Variants in ACO2 observed in about 807,000 individuals in gnomAD.
ACO2 encodes aconitase 2.
In ACO2, 31 loss-of-function variants were observed where a neutral mutation model predicts 84.5. The ratio of observed to expected loss-of-function variants is 0.37; its 90% CI spans 0.28 to 0.50. The LOEUF is 0.50. Ranked by LOEUF, ACO2 falls within the 20% of genes least tolerant of loss-of-function variation. ACO2 has a pLI of 0.97. For synonymous variants in ACO2, 414 were observed against 412.7 expected (o/e 1.00, Z -0.04); for missense variants, 685 against 1,029.3 (o/e 0.67, Z 4.58).
chr22:41,528,303 C>G, intron 17 of ACO2, 176 bp from the exon 18 acceptor site: 1 of 965,884 alleles, frequency 1.0e-6, no homozygotes, highest in Non-Finnish European at 1.5e-6. Flanking sequence ...CCCCAGGAAT[C>G]CCCTGTAGGT....
chr22:41,508,070 G>C (rs376995122), intron 3 of ACO2, 21 bp downstream of exon 3: 11 of 1,598,890 alleles, frequency 6.9e-6, no homozygotes, highest in Middle Eastern at 1.7e-4. Flanking sequence ...GGTGGCTTTG[G>C]GGGTGGGCAA....
intron 3 of ACO2, among the ~76,000 whole-genome samples, chr22:41,511,654 C>T (rs1414591698): frequency 6.6e-6 from 1 of 152,242 alleles, no homozygotes; most frequent in Non-Finnish European, 1.5e-5. Flanking sequence ...AACTGGGGCT[C>T]CATCTCTGCT....
intron 1 of ACO2, among the ~76,000 whole-genome samples, chr22:41,478,652 G>T (rs1353226981): frequency 1.3e-5 from 2 of 152,062 alleles, no homozygotes; most frequent in East Asian, 3.8e-4. Flanking sequence ...CCCCTGGAGA[G>T]ATTGAGATGG....
intron 8 of ACO2, among the ~76,000 whole-genome samples, 190 bp downstream of exon 8, chr22:41,518,762 C>G (rs532288615): frequency 6.7e-6 from 1 of 149,866 alleles, no homozygotes; most frequent in African/African-American, 2.5e-5. Context: ...AGTGAAACCC[C>G]GTCTCTACTA....
chr22:41,496,591 C>T (rs1016110329), intron 1 of ACO2, among the ~76,000 whole-genome samples: 2 of 152,268 alleles, frequency 1.3e-5, no homozygotes, highest in East Asian at 1.9e-4. Context: ...GCACTGGGCT[C>T]CTCCACCCGT....
intron 4 of ACO2, among the ~76,000 whole-genome samples, chr22:41,513,928 C>T (rs1051278875): frequency 6.6e-6 from 1 of 151,954 alleles, no homozygotes; most frequent in African/African-American, 2.4e-5. Context: ...GGATGTGGAC[C>T]ACAAGTGTCT....
chr22:41,469,204 TG>T, intron 1 of ACO2, 22 bp downstream of exon 1: 1 of 1,604,930 alleles, frequency 6.2e-7, no homozygotes, highest in Non-Finnish European at 8.5e-7. Context: ...CAGGGACCTC[TG>T]GGTTCACGGG....
Position 41,522,861 on chromosome 22 carries a change from T to C in ACO2, c.1170T>C (p.Tyr390=), listed in dbSNP as rs1368233713. The C allele has an allele frequency of 5.0e-6, 8 of 1,614,220 alleles. No individual in the cohort carries two copies. In the South Asian group the frequency reaches 8.8e-5, roughly 18 times the overall value. Residue 390 remains tyrosine (Y), a synonymous_variant, in exon 10 of 18, where the codon TAT becomes TAC. Transcript: ENST00000216254. ...TTGGTAGCTGCACCAATTCAAGCTA[T>C]GAAGATATGGGGCGCTCAGCAGCTG... ...GLIGSCTNSS[Y]EDMGRSAAVA...
chr22:41,481,996 C>T (rs1009897345), intron 1 of ACO2, among the ~76,000 whole-genome samples: 2 of 152,196 alleles, frequency 1.3e-5, no homozygotes, highest in Non-Finnish European at 2.9e-5. Context: ...TCCCACTTGG[C>T]ACAATTGTTA....
intron 1 of ACO2, among the ~76,000 whole-genome samples, chr22:41,494,699 C>G (rs1209405643): frequency 6.6e-6 from 1 of 151,772 alleles, no homozygotes; most frequent in East Asian, 1.9e-4. Flanking sequence ...GCGTGAGCCA[C>G]TGCGCCAGGC....
At chr22:41,481,819 T>C (rs2038091582) in intron 1 of ACO2, among the ~76,000 whole-genome samples, 1 of 152,248 alleles carries the variant, frequency 6.6e-6, no homozygotes, top group African/African-American at 2.4e-5. Flanking sequence ...AAGTCTTTCT[T>C]GAACTTCTTC....
Position 41,515,388 on chromosome 22 carries a change from A to C in ACO2, c.537A>C (p.Glu179Asp). 1 of 1,612,620 alleles carries C rather than the reference A, an allele frequency of 6.2e-7. No individual in the cohort carries two copies. The change falls in exon 5 of 18, where the codon GAA becomes GAC. Residue 179 changes from glutamate to aspartate, a missense_variant. Physicochemically the swap from Glu to Asp is conservative, Grantham distance 45 (BLOSUM62 2). This residue lies in a region of ACO2 where 92 missense variants were observed against 203.7 expected (regional missense o/e 0.45). Coordinates refer to ENST00000216254, the MANE Select transcript of ACO2 (RefSeq NM_001098.3). The surrounding 1 kb of genome is among the most constrained non-coding windows in gnomAD (Gnocchi z 5.8). ...GSGIIHQIIL[E>D]NYAYPGVLLI... The stretch of plus-strand genomic sequence containing the variant: ...GGATTATTTTTCAGATTATTCTGGA[A>C]AACTATGCGTACCCTGGTGTTCTTC...
Position 41,528,558 on chromosome 22 carries a change from T to C in ACO2, c.2288T>C (p.Ile763Thr). Residue 763 changes from isoleucine to threonine, a missense_variant, in exon 18 of 18, where the codon ATT becomes ACT. This residue lies in a region of ACO2 where 174 missense variants were observed against 236.6 expected (regional missense o/e 0.74). Transcript: ENST00000216254. ...LLNHTFNETQ[I>T]EWFRAGSALN... ...AACCACACCTTCAACGAGACGCAGA[T>C]TGAGTGGTTCCGCGCTGGCAGTGCC... The C allele has an allele frequency of 6.2e-7, 1 of 1,613,204 alleles. No individual in the cohort carries two copies. The highest frequency in any genetic ancestry group is 8.5e-7 in the Non-Finnish European group (1 of 1,180,000).
intron 1 of ACO2, among the ~76,000 whole-genome samples, chr22:41,470,482 A>G (rs1265676067): frequency 6.6e-6 from 1 of 150,826 alleles, no homozygotes; most frequent in African/African-American, 2.4e-5. Flanking sequence ...TCTGATCTCA[A>G]TTCCGGGCTA....
At chr22:41,469,924 C>CT (rs1346110388) in intron 1 of ACO2, among the ~76,000 whole-genome samples, 2 of 152,194 alleles carry the variant, frequency 1.3e-5, no homozygotes, top group Non-Finnish European at 1.5e-5. Flanking sequence ...AGCATGGGCC[C>CT]TACCACCACT....
Position 41,505,421 on chromosome 22 carries a change from T to TAATAAC in ACO2, c.174-2364_174-2359dup, listed in dbSNP as rs1316557466. ...GACAGAGCAAGACCCTGTCTCAAAA[T>TAATAAC]AATAACAATAATAATAATAATAATA... On this transcript the variant is annotated intron_variant, in intron 2 of 17. Coordinates refer to ENST00000216254, the MANE Select transcript of ACO2 (RefSeq NM_001098.3). 3.4e-5 allele frequency among the ~76,000 whole-genome samples: 5 copies of TAATAAC among 146,206 alleles called. No homozygotes were observed. The South Asian group carries it at 6.8e-4, about 20-fold the overall frequency.
At chr22:41,472,461 T>C (rs1325799547) in intron 1 of ACO2, among the ~76,000 whole-genome samples, 1 of 152,148 alleles carries the variant, frequency 6.6e-6, no homozygotes, top group Non-Finnish European at 1.5e-5. Context: ...CAACTGGCAC[T>C]ATGCTGCTTC....
At chr22:41,513,942 C>T (rs558799224) in intron 4 of ACO2, among the ~76,000 whole-genome samples, 1 of 152,060 alleles carries the variant, frequency 6.6e-6, no homozygotes, top group South Asian at 2.1e-4. Flanking sequence ...AGTGTCTACA[C>T]CGTGTGGACC....
chr22:41,472,537 G>T (rs1353209660), intron 1 of ACO2, among the ~76,000 whole-genome samples: 1 of 152,098 alleles, frequency 6.6e-6, no homozygotes, highest in Non-Finnish European at 1.5e-5. Context: ...CAAGTTGAAT[G>T]TGTACTCTCG....
Sources: gnomAD v4.1 joint callset for allele counts (sites outside exome capture counted in the v4.1 genomes callset) on GRCh38, gnomAD v4.1.1 for gene constraint, gnomAD v4.1.1 regional missense constraint, Gnocchi (gnomAD v3.1) non-coding constraint, MANE v1.5 for transcripts, NCBI Gene and HGNC (gene_info 2026-07-23, HGNC 2026-07-21) for gene names.